Variants in ADARB2 observed in about 807,000 individuals in gnomAD.
ADARB2 encodes the protein inactive double-stranded RNA-specific editase B2.
A neutral mutation model predicts 62.2 loss-of-function variants in ADARB2; 25 were observed. That is an observed-to-expected ratio of 0.40 (90% confidence interval 0.29 to 0.56). The LOEUF (loss-of-function observed/expected upper bound fraction) is 0.56, where lower values mean the gene tolerates loss of function less well. ADARB2 is among the 20% of genes least tolerant of loss of function. ADARB2 has a pLI of 0.43. For synonymous variants in ADARB2, 572 were observed against 500.8 expected (o/e 1.14, Z -1.90); for missense variants, 1,071 against 1,077.4 (o/e 0.99, Z 0.08).
chr10:1,675,610 G>A (rs1428282742), intron 1 of ADARB2, among the ~76,000 whole-genome samples: 1 of 151,364 alleles, frequency 6.6e-6, no homozygotes, highest in Non-Finnish European at 1.5e-5. Flanking sequence ...CTTGGGTTGG[G>A]GGGTACATGG....
At chr10:1,479,457 T>A (rs1327377626) in intron 1 of ADARB2, among the ~76,000 whole-genome samples, 2 of 151,148 alleles carry the variant, frequency 1.3e-5, no homozygotes, top group Non-Finnish European at 2.9e-5. Flanking sequence ...GGAGATGGAG[T>A]TTTGGTAGAG....
At chr10:1,203,289 G>A (rs1668980841) in intron 7 of ADARB2, among the ~76,000 whole-genome samples, 1 of 152,158 alleles carries the variant, frequency 6.6e-6, no homozygotes. Context: ...GATGCAACCT[G>A]CTCACTGAGT....
At chr10:1,653,525 T>G (rs1461832704) in intron 1 of ADARB2, among the ~76,000 whole-genome samples, 4 of 151,932 alleles carry the variant, frequency 2.6e-5, no homozygotes, top group Admixed American at 6.6e-5. Flanking sequence ...AGCCGCAGTC[T>G]CCACCAGACG....
chr10:1,416,702 G>C (rs1429070076), intron 1 of ADARB2, among the ~76,000 whole-genome samples: 5 of 152,246 alleles, frequency 3.3e-5, no homozygotes, highest in African/African-American at 1.2e-4. Flanking sequence ...TGGGGTCTGG[G>C]ATGATGGCAG....
chr10:1,183,054 A>T lies in ADARB2; in HGVS notation c.*139T>A. 1.0e-6 allele frequency: 1 copy of T among 994,030 alleles called. No homozygotes were observed. Among genetic ancestry groups the T allele is most frequent in the Non-Finnish European group, 1.5e-6 (1 of 687,384 alleles). 61.6% of individuals were successfully genotyped at this position (994,030 alleles called of 1,614,324 possible). On this transcript the variant is annotated 3_prime_UTR_variant, in exon 10 of 10. Transcript: ENST00000381312. ...TCTGAATTTGTGTTGTTGCTCGTCCAAACATTGCACACTCGCGTGTTTCTG... is the reference window on the plus strand; with the variant it reads ...TCTGAATTTGTGTTGTTGCTCGTCCTAACATTGCACACTCGCGTGTTTCTG...
intron 1 of ADARB2, among the ~76,000 whole-genome samples, chr10:1,496,417 TTCA>T (rs1167065370): frequency 6.6e-6 from 1 of 151,484 alleles, no homozygotes; most frequent in Non-Finnish European, 1.5e-5. Context: ...TCATCCTATC[TTCA>T]TCATCATTTA....
At chr10:1,483,978 A>G (rs1831510214) in intron 1 of ADARB2, among the ~76,000 whole-genome samples, 1 of 152,240 alleles carries the variant, frequency 6.6e-6, no homozygotes, top group East Asian at 1.9e-4. Flanking sequence ...CAATGCAGAT[A>G]CACATCAAAG....
rs1249340952 is a variant in ADARB2 at position 1,186,655 on chromosome 10, C to T, written c.1865-1616G>A. ...CGGGGCCCCTGAGTTCTCGGGGGCC[C>T]GTCATGCATCACGTGAGATGGCGGT... On this transcript the variant is annotated intron_variant, in intron 8 of 9. Transcript: ENST00000381312. The T allele has an allele frequency of 7.9e-5, 38 of 478,728 alleles. No homozygotes were observed. The Middle Eastern group carries it at 1.0e-3, about 13-fold the overall frequency. The allele number at this position is 478,728 out of a possible 1,614,324, so 29.7% of individuals were successfully genotyped here. A position where few individuals can be genotyped will look rare whatever the true frequency, so the allele number is the denominator to read the frequency against.
chr10:1,581,826 ATGTGTGTGTGTGTGTGTG>A (rs56180704), intron 1 of ADARB2, among the ~76,000 whole-genome samples: 48 of 148,392 alleles, frequency 3.2e-4, no homozygotes, highest in African/African-American at 9.0e-4. Context: ...TTAGAAATAG[ATGTGTGTGTGTGTGTGTG>A]TGTGTGTGTG....
intron 2 of ADARB2, among the ~76,000 whole-genome samples, chr10:1,372,465 T>G (rs2805500): frequency 0.94 from 142,475 of 152,146 alleles, 67,422 homozygotes; most frequent in Non-Finnish European, 1. Flanking sequence ...AAAATAAAAT[T>G]AAATTAAATT....
intron 6 of ADARB2, among the ~76,000 whole-genome samples, chr10:1,220,249 G>GTGGTGATGA (rs1554745198): frequency 3.4e-4 from 47 of 139,442 alleles, no homozygotes; most frequent in Middle Eastern, 3.9e-3. Context: ...GATAATGGTG[G>GTGGTGATGA]TGGTGGTGAT....
chr10:1,263,069 G>A (rs1831158582), intron 4 of ADARB2, among the ~76,000 whole-genome samples: 1 of 145,688 alleles, frequency 6.9e-6, no homozygotes, highest in African/African-American at 2.5e-5. Flanking sequence ...CTCATAGGTG[G>A]GAATTGAACA....
At chr10:1,299,201 G>A in intron 3 of ADARB2, among the ~76,000 whole-genome samples, 1 of 152,052 alleles carries the variant, frequency 6.6e-6, no homozygotes, top group African/African-American at 2.4e-5. Context: ...AATCTGGGGA[G>A]TCACGAAGGG....
chr10:1,400,188 T>C (rs1832649766), intron 1 of ADARB2, among the ~76,000 whole-genome samples: 1 of 152,212 alleles, frequency 6.6e-6, no homozygotes, highest in South Asian at 2.1e-4. Flanking sequence ...CACCTGCAGC[T>C]GTCCTGCGTC....
chr10:1,331,088 C>G (rs955508325), intron 3 of ADARB2, among the ~76,000 whole-genome samples: 1 of 152,164 alleles, frequency 6.6e-6, no homozygotes, highest in African/African-American at 2.4e-5. Flanking sequence ...CCATTTCACA[C>G]CCACTAGGAT....
chr10:1,663,970 G>A (rs1331996477), intron 1 of ADARB2, among the ~76,000 whole-genome samples: 1 of 152,176 alleles, frequency 6.6e-6, no homozygotes, highest in East Asian at 1.9e-4. Flanking sequence ...ACGTGCTACT[G>A]TTTATCCATT....
At chr10:1,638,039 T>G (rs1451754527) in intron 1 of ADARB2, among the ~76,000 whole-genome samples, 2 of 152,176 alleles carry the variant, frequency 1.3e-5, no homozygotes, top group Non-Finnish European at 2.9e-5. Flanking sequence ...TGGGAGGAGA[T>G]GCTCCAGGCT....
At chr10:1,562,411 C>T (rs1465888622) in intron 1 of ADARB2, among the ~76,000 whole-genome samples, 4 of 151,814 alleles carry the variant, frequency 2.6e-5, no homozygotes, top group South Asian at 2.1e-4. Flanking sequence ...ACGAGCCTCA[C>T]TCCATCACTG....
intron 1 of ADARB2, among the ~76,000 whole-genome samples, chr10:1,456,293 G>T (rs2131904971): frequency 6.6e-6 from 1 of 152,232 alleles, no homozygotes; most frequent in Middle Eastern, 3.4e-3. Flanking sequence ...ATTTCTCCAG[G>T]AAGTACCTGC....
Sources: allele counts gnomAD v4.1 joint callset (sites outside exome capture counted in the v4.1 genomes callset), GRCh38; gene constraint gnomAD v4.1.1; transcripts MANE v1.5; gene names NCBI Gene and HGNC (gene_info 2026-07-23, HGNC 2026-07-21).